The following ADAMTS17 variants were observed in gnomAD, a reference collection of about 807,000 sequenced individuals.
ADAMTS17 encodes the protein A disintegrin and metalloproteinase with thrombospondin motifs 17.
Under a neutral mutation model 141.5 loss-of-function variants are expected in ADAMTS17, and 113 were observed. That is an observed-to-expected ratio of 0.80 (90% CI 0.69 to 0.93). The LOEUF (loss-of-function observed/expected upper bound fraction) is 0.93, where lower values mean the gene tolerates loss of function less well. ADAMTS17 is among the 40% of genes least tolerant of loss of function. The pLI is 0.00. For missense variants in ADAMTS17, 1,659 were observed against 1,517.9 expected (o/e 1.09, Z -1.54); for synonymous variants, 768 against 630.6 (o/e 1.22, Z -3.27).
intron 15 of ADAMTS17, among the ~76,000 whole-genome samples, chr15:100,057,614 G>T (rs1490454606): frequency 6.6e-6 from 1 of 152,154 alleles, no homozygotes; most frequent in Non-Finnish European, 1.5e-5. Flanking sequence ...TTAAGCAATG[G>T]TACCCAGGGT....
chr15:99,976,731 G>T, intron 20 of ADAMTS17: 1 of 207,752 alleles, frequency 4.8e-6, no homozygotes, highest in Non-Finnish European at 9.7e-6. Context: ...AAATCGGGGA[G>T]GGTCTTCACC....
At chr15:100,169,016 G>GA (rs1255597645) in intron 8 of ADAMTS17, among the ~76,000 whole-genome samples, 1 of 152,182 alleles carries the variant, frequency 6.6e-6, no homozygotes, top group East Asian at 1.9e-4. Flanking sequence ...GTGGTGGTGG[G>GA]GGCAGGCACG....
In ADAMTS17 at chr15:99,989,097, C is replaced by T. The variant is rs147015949; in HGVS notation, c.2949+3951G>A. 3.2e-3 allele frequency among the ~76,000 whole-genome samples: 488 copies of T among 152,326 alleles called. 7 individuals are homozygous for T. Among genetic ancestry groups the T allele is most frequent in the Middle Eastern group, 6.8e-3 (2 of 294 alleles). On this transcript the variant is annotated intron_variant, in intron 20 of 21. Transcript: ENST00000268070. The stretch of plus-strand genomic sequence containing the variant: ...CCAATCCCTTCTTGCTTGGTTTCCA[C>T]CAAGTAGCCTGAGCACTGAACTGGG...
intron 3 of ADAMTS17, among the ~76,000 whole-genome samples, chr15:100,319,830 T>C (rs1482078705): frequency 6.6e-6 from 1 of 152,160 alleles, no homozygotes; most frequent in Admixed American, 6.5e-5. Context: ...CTCAGGAGGC[T>C]GAGGCAGGAG....
At chr15:100,261,313 G>T (rs1389731314) in intron 6 of ADAMTS17, among the ~76,000 whole-genome samples, 166 bp downstream of exon 6, 1 of 152,178 alleles carries the variant, frequency 6.6e-6, no homozygotes, top group African/African-American at 2.4e-5. Context: ...CCTCAGAGGT[G>T]GATACCACCG....
intron 15 of ADAMTS17, among the ~76,000 whole-genome samples, chr15:100,086,045 G>A (rs2035078288): frequency 6.6e-6 from 1 of 150,616 alleles, no homozygotes; most frequent in African/African-American, 2.5e-5. Context: ...AAAAGACACA[G>A]ACTAGCAAAC....
rs559631880 is a variant in ADAMTS17 at position 100,142,361 on chromosome 15, G to T, written c.1474-9046C>A. On this transcript the variant is annotated intron_variant, in intron 10 of 21. Transcript: ENST00000268070. ...TGGACACGGGAAAGCAATCCCTGGG[G>T]GTTCCAGGCTCCCAGAGTACCGGGA... is the stretch of plus-strand genomic sequence containing the variant. 6.6e-5 allele frequency among the ~76,000 whole-genome samples: 10 copies of T among 152,228 alleles called. No homozygotes were observed. In the South Asian group the frequency reaches 2.1e-3, roughly 32 times the overall value.
At chr15:100,136,475 T>G (rs73470026) in intron 10 of ADAMTS17, among the ~76,000 whole-genome samples, 1 of 152,226 alleles carries the variant, frequency 6.6e-6, no homozygotes. Flanking sequence ...ACACGAATGC[T>G]TGTCATCACC....
rs368719252 is a variant in ADAMTS17, at chr15:100,299,811, T to C, written c.617-18410A>G. ...CCCACACTCTTCACCTTCATCACTT[T>C]AACACAAAGCCACCTCTCCCCCAGT... is the stretch of plus-strand genomic sequence containing the variant. On this transcript the variant is annotated intron_variant, in intron 3 of 21. Transcript: ENST00000268070. Among the ~76,000 whole-genome samples the C allele has an allele frequency of 2.6e-5, 4 of 152,250 alleles. No homozygotes were observed. In the South Asian group the frequency reaches 6.2e-4, roughly 24 times the overall value.
Position 100,199,381 on chromosome 15 carries a change from C to T in ADAMTS17, c.1118G>A (p.Cys373Tyr), listed in dbSNP as rs1347696722. Residue 373 changes from cysteine to tyrosine, a missense_variant, in exon 8 of 22, where the codon TGT (cysteine) becomes TAT (tyrosine). Transcript: ENST00000268070. The stretch of plus-strand genomic sequence containing the variant: ...GAGACCATTGTCTTCGGCAAGCACA[C>T]ACTTCCTCTTAGCACTGCACACACC... ...LGGVCSAKRK[C>Y]VLAEDNGLNL... is the part of the protein sequence containing the mutation. The T allele has an allele frequency of 6.2e-7, 1 of 1,614,098 alleles. No homozygotes were observed. The highest frequency in any genetic ancestry group is 2.2e-5 in the East Asian group (1 of 44,890).
intron 3 of ADAMTS17, among the ~76,000 whole-genome samples, chr15:100,305,306 C>T (rs1296096047): frequency 1.3e-5 from 2 of 152,214 alleles, no homozygotes; most frequent in African/African-American, 4.8e-5. Context: ...AGCTTCTTGC[C>T]AGATTTGTTT....
chr15:100,250,574 G>A (rs911621597), intron 7 of ADAMTS17, among the ~76,000 whole-genome samples: 2 of 152,226 alleles, frequency 1.3e-5, no homozygotes, highest in South Asian at 2.1e-4. Context: ...TGGCTCTCAA[G>A]AGGCAGTCCG....
intron 12 of ADAMTS17, among the ~76,000 whole-genome samples, chr15:100,120,850 C>T (rs1414038220): frequency 1.3e-5 from 2 of 152,180 alleles, no homozygotes; most frequent in African/African-American, 4.8e-5. Flanking sequence ...ATGGTTCATT[C>T]AAAAGAACAA....
intron 10 of ADAMTS17, among the ~76,000 whole-genome samples, chr15:100,146,761 C>G (rs965239686): frequency 2.0e-5 from 3 of 152,266 alleles, no homozygotes; most frequent in Admixed American, 1.3e-4. Flanking sequence ...AAAGAGAATA[C>G]GTGCCTGGGG....
At chr15:100,250,543 G>C (rs1457489632) in intron 7 of ADAMTS17, among the ~76,000 whole-genome samples, 1 of 152,236 alleles carries the variant, frequency 6.6e-6, no homozygotes, top group Non-Finnish European at 1.5e-5. Flanking sequence ...AGTGGTTAGG[G>C]AAGGGGAGGG....
intron 3 of ADAMTS17, among the ~76,000 whole-genome samples, chr15:100,317,693 G>C (rs115334113): frequency 3.9e-5 from 6 of 152,210 alleles, no homozygotes; most frequent in South Asian, 4.1e-4. Flanking sequence ...TGGACTTGAG[G>C]TCAGCAAAAG....
At chr15:100,247,201 C>A (rs1011749524) in intron 7 of ADAMTS17, among the ~76,000 whole-genome samples, 1 of 152,124 alleles carries the variant, frequency 6.6e-6, no homozygotes, top group Admixed American at 6.6e-5. Flanking sequence ...GACTATACTT[C>A]TAACACACAG....
At chr15:99,982,490 T>G (rs1305743960) in intron 20 of ADAMTS17, among the ~76,000 whole-genome samples, 2 of 152,332 alleles carry the variant, frequency 1.3e-5, no homozygotes, top group East Asian at 1.9e-4. Flanking sequence ...TAACCTGAGC[T>G]GGGCCATGGT....
chr15:100,109,271 A>T (rs1465857420), intron 13 of ADAMTS17, among the ~76,000 whole-genome samples, 155 bp from the exon 14 acceptor site: 1 of 152,224 alleles, frequency 6.6e-6, no homozygotes, highest in Non-Finnish European at 1.5e-5. Context: ...CAGGAAGCGG[A>T]AAAAGACCCA....
Sources: allele counts gnomAD v4.1 joint callset (sites outside exome capture counted in the v4.1 genomes callset), GRCh38; gene constraint gnomAD v4.1.1; transcripts MANE v1.5; gene names NCBI Gene and HGNC (gene_info 2026-07-23, HGNC 2026-07-21).